Variants in ZPBP observed in about 807,000 individuals in gnomAD.
The protein encoded by ZPBP is zona pellucida binding protein.
In ZPBP, 26 loss-of-function variants were observed where a neutral mutation model predicts 44.8. The observed-to-expected ratio is 0.58, with a 90% CI of 0.43 to 0.81. ZPBP has a LOEUF of 0.81. Ranked by LOEUF, ZPBP falls within the 30% of genes least tolerant of loss-of-function variation. ZPBP has a pLI of 0.00. For synonymous variants in ZPBP, 174 were observed against 153.2 expected (o/e 1.14, Z -1.00); for missense variants, 409 against 434.0 (o/e 0.94, Z 0.51).
chr7:50,008,588 C>T (rs4506156), intron 6 of ZPBP, among the ~76,000 whole-genome samples: 123,981 of 151,930 alleles, frequency 0.82, 50,744 homozygotes, highest in East Asian at 0.92. Flanking sequence ...AACAGAAAAA[C>T]TGAAAGGCTC....
At chr7:49,913,369 T>C (rs1461412148) in intron 1 of ZPBP, 1 of 152,180 alleles carries the variant, frequency 6.6e-6, no homozygotes, top group Non-Finnish European at 1.5e-5. Context: ...ATCTAATTAA[T>C]GCATAATAGA....
At position 50,071,465 on chromosome 7, in the gene ZPBP, C is replaced by G. The variant is rs1398588111; in HGVS notation, c.334+10309G>C. On this transcript the variant is annotated intron_variant, in intron 3 of 7. Transcript: ENST00000046087. ...TAGGGCTACAAAACATAGGTGAGTCCTAGTGCTGAACTAGGCCCAAAGACA... is the reference window on the plus strand; with the variant it reads ...TAGGGCTACAAAACATAGGTGAGTCGTAGTGCTGAACTAGGCCCAAAGACA... 2.0e-5 allele frequency among the ~76,000 whole-genome samples: 3 copies of G among 152,124 alleles called. No homozygotes were observed. The East Asian group carries it at 5.8e-4, about 29-fold the overall frequency.
At chr7:49,915,901 C>G (rs896091814) in intron 1 of ZPBP, 5 of 152,166 alleles carry the variant, frequency 3.3e-5, no homozygotes, top group African/African-American at 1.2e-4. Context: ...AACTGTCTTA[C>G]TGAACCTACT....
intron 2 of ZPBP, among the ~76,000 whole-genome samples, chr7:49,855,474 T>G (rs1790376103): frequency 6.6e-6 from 1 of 152,082 alleles, no homozygotes. Flanking sequence ...GAGGAAGGTT[T>G]GGGTATTTCC....
At chr7:49,910,805 G>A (rs1793368141) in intron 1 of ZPBP, among the ~76,000 whole-genome samples, 1 of 152,134 alleles carries the variant, frequency 6.6e-6, no homozygotes, top group Admixed American at 6.5e-5. Context: ...ACACTAAGAT[G>A]GTGCTTCTCA....
intron 3 of ZPBP, among the ~76,000 whole-genome samples, chr7:50,078,906 T>G (rs139570385): frequency 1.5e-4 from 11 of 75,134 alleles, no homozygotes; most frequent in African/African-American, 4.9e-4. Flanking sequence ...AAGACATGAA[T>G]AGACACTTCT....
chr7:49,987,016 C>T (rs559965174), intron 6 of ZPBP, among the ~76,000 whole-genome samples: 4 of 152,254 alleles, frequency 2.6e-5, no homozygotes, highest in South Asian at 2.1e-4. Context: ...CATTTTACAG[C>T]GGCGGCCTGG....
intron 2 of ZPBP, among the ~76,000 whole-genome samples, chr7:49,874,817 T>A (rs1791328403): frequency 6.6e-6 from 1 of 152,008 alleles, no homozygotes; most frequent in Non-Finnish European, 1.5e-5. Context: ...TTTTCCTACT[T>A]CAGTAAAGAT....
chr7:49,910,592 G>A (rs190924083), intron 1 of ZPBP, among the ~76,000 whole-genome samples: 2 of 102,352 alleles, frequency 2.0e-5, no homozygotes, highest in Admixed American at 1.8e-4. Flanking sequence ...ATAACACAAA[G>A]CCATTAATCT....
intron 6 of ZPBP, among the ~76,000 whole-genome samples, chr7:49,994,116 A>G (rs1050176138): frequency 5.3e-5 from 8 of 152,170 alleles, no homozygotes; most frequent in African/African-American, 1.9e-4. Flanking sequence ...GAATTAATAT[A>G]TAATTTCACA....
intron 2 of ZPBP, among the ~76,000 whole-genome samples, chr7:50,086,772 ATT>A (rs937217434): frequency 6.6e-6 from 1 of 151,992 alleles, no homozygotes; most frequent in Non-Finnish European, 1.5e-5. Flanking sequence ...GAGAAAAAGA[ATT>A]TTTTTAATAA....
At chr7:49,890,743 A>G (rs77786629) in intron 2 of ZPBP, among the ~76,000 whole-genome samples, 2 of 134,896 alleles carry the variant, frequency 1.5e-5, no homozygotes, top group Non-Finnish European at 3.2e-5. Flanking sequence ...AAAAAAAAAA[A>G]ACTGATTTGA....
chr7:49,869,910 G>A (rs1583715282), intron 2 of ZPBP, among the ~76,000 whole-genome samples: 1 of 152,238 alleles, frequency 6.6e-6, no homozygotes, highest in African/African-American at 2.4e-5. Context: ...TACAGCAGAT[G>A]TCAAAAGGAA....
intron 4 of ZPBP, among the ~76,000 whole-genome samples, chr7:50,038,912 G>C (rs895710516): frequency 2.0e-5 from 3 of 152,096 alleles, no homozygotes; most frequent in Admixed American, 1.3e-4. Flanking sequence ...TACCATCTAG[G>C]TTTGTATAAG....
intron 2 of ZPBP, among the ~76,000 whole-genome samples, chr7:50,083,379 C>G (rs566874391): frequency 1.9e-4 from 29 of 151,840 alleles, no homozygotes; most frequent in Admixed American, 2.0e-4. Flanking sequence ...TAAAATTAGA[C>G]CAAAATGCCA....
At chr7:50,088,373 A>C (rs920548933) in intron 2 of ZPBP, among the ~76,000 whole-genome samples, 3 of 152,024 alleles carry the variant, frequency 2.0e-5, no homozygotes, top group African/African-American at 4.8e-5. Flanking sequence ...TTAGGCAATA[A>C]TTTCTTAGAT....
chr7:49,878,516 T>C (rs952233046), intron 2 of ZPBP, among the ~76,000 whole-genome samples: 4 of 152,198 alleles, frequency 2.6e-5, no homozygotes, highest in African/African-American at 9.6e-5. Flanking sequence ...CTTTCAAAAC[T>C]CTGAAGGTAT....
At chr7:50,070,417 C>G (rs904740299) in intron 3 of ZPBP, among the ~76,000 whole-genome samples, 13 of 152,204 alleles carry the variant, frequency 8.5e-5, no homozygotes, top group African/African-American at 2.4e-4. Context: ...CCTGGTTCTG[C>G]TGCACTGCCA....
intron 2 of ZPBP, among the ~76,000 whole-genome samples, chr7:49,898,389 AC>A (rs758487011): frequency 6.6e-5 from 10 of 151,704 alleles, no homozygotes; most frequent in Non-Finnish European, 1.2e-4. Context: ...TGGGTTTCTT[AC>A]CCATACAATT....
Sources: gnomAD v4.1 joint callset for allele counts (sites outside exome capture counted in the v4.1 genomes callset) on GRCh38, gnomAD v4.1.1 for gene constraint, MANE v1.5 for transcripts, NCBI Gene and HGNC (gene_info 2026-07-23, HGNC 2026-07-21) for gene names.